NLRP1: variants seen among roughly 807,000 people sequenced by gnomAD.
NLRP1 encodes NACHT, LRR and PYD domains-containing protein 1.
Under a neutral mutation model 136.7 loss-of-function variants are expected in NLRP1, and 94 were observed. The observed-to-expected ratio is 0.69, with a 90% confidence interval of 0.58 to 0.82. The LOEUF is 0.82. NLRP1 is among the 40% of genes least tolerant of loss of function. The pLI, the probability that NLRP1 is intolerant of heterozygous loss-of-function variation, is 0.00. For missense variants in NLRP1, 1,575 were observed against 1,802.7 expected, an observed-to-expected ratio of 0.87 and a Z score of 2.29; for synonymous variants, 690 against 725.1, an observed-to-expected ratio of 0.95 and a Z score of 0.78.
intron 12 of NLRP1, among the ~76,000 whole-genome samples, chr17:5,528,099 G>C (rs1203012891): frequency 6.6e-6 from 1 of 152,228 alleles, no homozygotes; most frequent in Non-Finnish European, 1.5e-5. Flanking sequence ...AGCATCCCAG[G>C]TTGGGGCAAG....
At chr17:5,513,717 C>T (rs886577424), downstream of NLRP1, among the ~76,000 whole-genome samples, 3 of 151,956 alleles carry the variant, frequency 2.0e-5, no homozygotes, top group East Asian at 3.8e-4. Context: ...AGATTAAGGA[C>T]GAGTATGTAA....
chr17:5,546,195 T>C (rs535595799), intron 5 of NLRP1, among the ~76,000 whole-genome samples: 28 of 152,338 alleles, frequency 1.8e-4, no homozygotes, highest in African/African-American at 6.5e-4. Flanking sequence ...CAAGTTTCAG[T>C]TCACTCATCA....
chr17:5,533,187 C>T, intron 10 of NLRP1, 117 bp downstream of exon 10: 1 of 1,512,144 alleles, frequency 6.6e-7, no homozygotes, highest in Admixed American at 2.1e-5. Context: ...CCAGCCTCCG[C>T]CCATCTCCCC....
chr17:5,549,847 CT>C, intron 5 of NLRP1, among the ~76,000 whole-genome samples: 2 of 152,216 alleles, frequency 1.3e-5, no homozygotes, highest in South Asian at 4.1e-4. Context: ...CTGGTAACAA[CT>C]TTATCAGGTT....
At chr17:5,565,609 G>GT (rs1915247360) in intron 3 of NLRP1, among the ~76,000 whole-genome samples, 2 of 152,170 alleles carry the variant, frequency 1.3e-5, no homozygotes, top group African/African-American at 2.4e-5. Context: ...TAGCTTCATA[G>GT]TTTGAGGTCT....
intron 5 of NLRP1, among the ~76,000 whole-genome samples, chr17:5,552,322 T>C (rs1446114019): frequency 2.0e-5 from 3 of 152,180 alleles, no homozygotes; most frequent in Non-Finnish European, 4.4e-5. Context: ...CTTCTATTGT[T>C]GATTTCTAAT....
chr17:5,516,965 A>C (rs1908200445), intron 15 of NLRP1, among the ~76,000 whole-genome samples: 1 of 152,190 alleles, frequency 6.6e-6, no homozygotes. Flanking sequence ...AGAGTCCATA[A>C]ATTTTCTCTA....
chr17:5,511,751 T>C (rs1907646543), downstream of NLRP1, among the ~76,000 whole-genome samples: 1 of 149,744 alleles, frequency 6.7e-6, no homozygotes, highest in Non-Finnish European at 1.5e-5. Flanking sequence ...TCCCTTTCTC[T>C]TTTCTTTTTC....
At chr17:5,566,496 C>A (rs1915347001) in intron 3 of NLRP1, among the ~76,000 whole-genome samples, 1 of 151,952 alleles carries the variant, frequency 6.6e-6, no homozygotes, top group Non-Finnish European at 1.5e-5. Context: ...TTATTAATTT[C>A]TAATTTTATT....
At chr17:5,510,814 C>T (rs542443930), downstream of NLRP1, among the ~76,000 whole-genome samples, 4 of 152,026 alleles carry the variant, frequency 2.6e-5, no homozygotes, top group African/African-American at 7.2e-5. Context: ...GACATGGGTG[C>T]GTATTTCGTA....
chr17:5,501,895 A>T, intron 15 of NLRP1: 3 of 1,610,388 alleles, frequency 1.9e-6, no homozygotes, highest in Non-Finnish European at 2.5e-6. Context: ...GAGAACAATC[A>T]CTTGGATTTA....
intron 8 of NLRP1, among the ~76,000 whole-genome samples, chr17:5,534,575 T>G (rs1392463839): frequency 6.6e-6 from 1 of 152,022 alleles, no homozygotes; most frequent in Non-Finnish European, 1.5e-5. Flanking sequence ...TATTGTCTTC[T>G]CTCCACCTCC....
At chr17:5,542,128 G>T in intron 5 of NLRP1, 101 bp from the exon 6 acceptor site, 1 of 1,211,402 alleles carries the variant, frequency 8.3e-7, no homozygotes. Flanking sequence ...CAGGCCTGTG[G>T]GCCAGGCAGA....
At chr17:5,580,175 C>T (rs1012120529) in intron 3 of NLRP1, among the ~76,000 whole-genome samples, 1 of 152,220 alleles carries the variant, frequency 6.6e-6, no homozygotes, top group East Asian at 1.9e-4. Context: ...GCAGAGCTTG[C>T]AGTGAGTGGA....
chr17:5,568,838 G>A (rs1435452829), intron 3 of NLRP1, among the ~76,000 whole-genome samples: 1 of 152,152 alleles, frequency 6.6e-6, no homozygotes, highest in East Asian at 1.9e-4. Flanking sequence ...AAATCTGGTT[G>A]AATTATCTAG....
chr17:5,553,386 C>A lies in NLRP1; in HGVS notation c.2528G>T (p.Arg843Leu). 1 of 1,610,836 alleles carries A rather than the reference C, an allele frequency of 6.2e-7. No individual in the cohort carries two copies. Among genetic ancestry groups the A allele is most frequent in the Non-Finnish European group, 8.5e-7 (1 of 1,178,208 alleles). ...AGAACAGAACCCAGGCCAGACTCACCGCAGGGTCTCCAGGAGGCAGCGAGG... is the reference window on the plus strand; with the variant it reads ...AGAACAGAACCCAGGCCAGACTCACAGCAGGGTCTCCAGGAGGCAGCGAGG... ...RRPRCLLETLRLAGCGLTAED... is the reference protein window; with the variant it reads ...RRPRCLLETLLLAGCGLTAED... The change falls in exon 5 of 17, where the codon CGG becomes CTG. Residue 843 changes from arginine (R) to leucine (L), a missense_variant and splice_region_variant. By Grantham distance (102) the Arg-to-Leu change is moderately radical. Coordinates refer to ENST00000572272, the MANE Select transcript of NLRP1 (RefSeq NM_033004.4).
chr17:5,502,851 A>G (rs1362352092), intron 15 of NLRP1: 2 of 148,966 alleles, frequency 1.3e-5, no homozygotes, highest in African/African-American at 5.0e-5. Flanking sequence ...TTAGGGTGAA[A>G]TGGAAGATGT....
intron 5 of NLRP1, among the ~76,000 whole-genome samples, chr17:5,551,147 A>G (rs1913309580): frequency 6.6e-6 from 1 of 152,196 alleles, no homozygotes; most frequent in Admixed American, 6.5e-5. Flanking sequence ...TACAGTATAT[A>G]GAATAGTTTC....
intron 12 of NLRP1, among the ~76,000 whole-genome samples, 165 bp from the exon 13 acceptor site, chr17:5,521,951 A>C (rs1041540665): frequency 6.6e-6 from 1 of 152,166 alleles, no homozygotes; most frequent in African/African-American, 2.4e-5. Flanking sequence ...CAGCCTCCCG[A>C]GTAGCTGGGA....
Sources: gnomAD v4.1 joint callset for allele counts (sites outside exome capture counted in the v4.1 genomes callset) on GRCh38, gnomAD v4.1.1 for gene constraint, MANE v1.5 for transcripts, NCBI Gene and HGNC (gene_info 2026-07-23, HGNC 2026-07-21) for gene names.